PLXNA4: variants seen among roughly 807,000 people sequenced by gnomAD.
PLXNA4 encodes the protein plexin A4, also known as plexin-A4.
A neutral mutation model predicts 191.8 loss-of-function variants in PLXNA4; 44 were observed. The observed-to-expected ratio is 0.23, with a 90% CI of 0.18 to 0.29. The LOEUF is 0.29. Ranked by LOEUF, PLXNA4 falls within the 10% of genes least tolerant of loss-of-function variation. The pLI is 1.00. For synonymous variants in PLXNA4, 1,082 were observed against 1,009.5 expected (o/e 1.07, Z -1.36); for missense variants, 1,800 against 2,488.8 (o/e 0.72, Z 5.89).
intron 9 of PLXNA4, among the ~76,000 whole-genome samples, chr7:132,213,803 C>T (rs925388972): frequency 2.0e-5 from 3 of 152,158 alleles, no homozygotes; most frequent in Non-Finnish European, 2.9e-5. Flanking sequence ...ACTGTCTCTC[C>T]TGCCACAGTC....
chr7:132,332,844 A>G (rs560620204), intron 3 of PLXNA4, among the ~76,000 whole-genome samples: 15 of 150,474 alleles, frequency 1.0e-4, no homozygotes, highest in Non-Finnish European at 1.8e-4. Flanking sequence ...TGGGTGACAG[A>G]GTAAGCCCCT....
At chr7:132,626,654 C>T (rs1032226892) in intron 2 of PLXNA4, among the ~76,000 whole-genome samples, 6 of 152,220 alleles carry the variant, frequency 3.9e-5, no homozygotes, top group Admixed American at 3.3e-4. Flanking sequence ...CCTGAGCCCT[C>T]CCTAGAAGAC....
At chr7:132,563,094 T>TCC (rs1554470337) in intron 1 of PLXNA4, among the ~76,000 whole-genome samples, 20 of 33,974 alleles carry the variant, frequency 5.9e-4, no homozygotes, top group East Asian at 1.2e-3. Context: ...CCTCCTCTTC[T>TCC]TCCTCCTCCT....
intron 1 of PLXNA4, among the ~76,000 whole-genome samples, chr7:132,537,285 G>A (rs1799882358): frequency 6.6e-6 from 1 of 152,220 alleles, no homozygotes. Flanking sequence ...TCTAAGGCAG[G>A]AGGTTGGAGC....
chr7:132,615,485 G>A (rs1341028471), intron 2 of PLXNA4, among the ~76,000 whole-genome samples: 1 of 152,206 alleles, frequency 6.6e-6, no homozygotes, highest in Non-Finnish European at 1.5e-5. Context: ...GGGGCTCTGG[G>A]TTGCAGGCTT....
chr7:132,535,217 T>A (rs1416501405), intron 1 of PLXNA4, among the ~76,000 whole-genome samples: 1 of 152,196 alleles, frequency 6.6e-6, no homozygotes, highest in Non-Finnish European at 1.5e-5. Flanking sequence ...TGGATTTATG[T>A]TCACCATCAT....
chr7:132,386,540 G>A (rs1320210787), intron 3 of PLXNA4, among the ~76,000 whole-genome samples: 1 of 152,164 alleles, frequency 6.6e-6, no homozygotes, highest in African/African-American at 2.4e-5. Context: ...GTAAAATCAT[G>A]CTTAGTGGGG....
chr7:132,178,733 T>TACAC (rs1483083663), intron 20 of PLXNA4, among the ~76,000 whole-genome samples: 15 of 39,608 alleles, frequency 3.8e-4, no homozygotes, highest in African/African-American at 7.1e-4. Flanking sequence ...CACACACACT[T>TACAC]GTAAATGAAA....
At chr7:132,185,180 T>C (rs1796835401) in intron 16 of PLXNA4, 119 bp downstream of exon 16, 2 of 1,383,012 alleles carry the variant, frequency 1.4e-6, no homozygotes, top group Non-Finnish European at 1.9e-6. Context: ...TTGGAATCAA[T>C]TCCAGCTCAT....
intron 5 of PLXNA4, among the ~76,000 whole-genome samples, chr7:132,238,938 T>C (rs2117029498): frequency 6.6e-6 from 1 of 152,334 alleles, no homozygotes; most frequent in Middle Eastern, 3.4e-3. Context: ...CCATCTCATT[T>C]GATTCCCCAG....
At chr7:132,155,961 C>T (rs556438045) in intron 25 of PLXNA4, among the ~76,000 whole-genome samples, 7 of 152,252 alleles carry the variant, frequency 4.6e-5, no homozygotes, top group Admixed American at 1.3e-4. Flanking sequence ...ACTGACCTCC[C>T]TTGAGAAAGT....
upstream of PLXNA4, chr7:132,576,561 C>T (rs114932229): frequency 4.1e-6 from 4 of 985,944 alleles, no homozygotes; most frequent in African/African-American, 1.7e-5. This position sits in a 1 kb window ranked among gnomAD's most constrained non-coding sequence, Gnocchi z 5.8. Context: ...CAGCCCCGAA[C>T]GCAAATACTC....
chr7:132,557,740 T>G (rs1350581295), intron 1 of PLXNA4, among the ~76,000 whole-genome samples: 1 of 152,144 alleles, frequency 6.6e-6, no homozygotes, highest in Admixed American at 6.5e-5. Context: ...TACCATCAGC[T>G]GGTGAAAAAT....
chr7:132,140,893 G>A, intron 29 of PLXNA4, 82 bp from the exon 30 acceptor site: 1 of 1,558,528 alleles, frequency 6.4e-7, no homozygotes, highest in South Asian at 1.2e-5. Context: ...TCTGGAGAAG[G>A]AGAGAAGCCT....
At chr7:132,247,996 C>G (rs550394850) in intron 4 of PLXNA4, among the ~76,000 whole-genome samples, 1 of 152,332 alleles carries the variant, frequency 6.6e-6, no homozygotes, top group East Asian at 1.9e-4. Context: ...TATGTCTCCA[C>G]CCCTATGGCC....
At chr7:132,144,249 G>A (rs1210177808) in intron 29 of PLXNA4, among the ~76,000 whole-genome samples, 2 of 152,168 alleles carry the variant, frequency 1.3e-5, no homozygotes. Context: ...CTCAACCAGA[G>A]ACCACCTTGG....
At chr7:132,410,382 T>G (rs940854188) in intron 3 of PLXNA4, among the ~76,000 whole-genome samples, 2 of 152,322 alleles carry the variant, frequency 1.3e-5, no homozygotes, top group South Asian at 4.2e-4. Flanking sequence ...TTTTCCTGAC[T>G]TCGCCCATGA....
At chr7:132,287,913 G>T (rs1800744583) in intron 4 of PLXNA4, among the ~76,000 whole-genome samples, 1 of 152,194 alleles carries the variant, frequency 6.6e-6, no homozygotes, top group African/African-American at 2.4e-5. Context: ...TCTGAGTTCT[G>T]ATCACATCTG....
intron 3 of PLXNA4, among the ~76,000 whole-genome samples, chr7:132,342,908 C>T (rs1803088669): frequency 7.1e-6 from 1 of 140,602 alleles, no homozygotes; most frequent in Admixed American, 7.7e-5. Context: ...GATTGCACCA[C>T]TGTACTCCAG....
Sources: gnomAD v4.1 joint callset for allele counts (sites outside exome capture counted in the v4.1 genomes callset) on GRCh38, gnomAD v4.1.1 for gene constraint, Gnocchi (gnomAD v3.1) non-coding constraint, MANE v1.5 for transcripts, NCBI Gene and HGNC (gene_info 2026-07-23, HGNC 2026-07-21) for gene names.